The following ELAPOR1 variants were observed in gnomAD, a reference collection of about 807,000 sequenced individuals.
ELAPOR1 encodes endosome-lysosome associated apoptosis and autophagy regulator 1, also known as endosome/lysosome-associated apoptosis and autophagy regulator 1.
Under a neutral mutation model 119.7 loss-of-function variants are expected in ELAPOR1, and 77 were observed. That is an observed-to-expected ratio of 0.64 (90% confidence interval 0.54 to 0.78). The LOEUF is 0.78. Ranked by LOEUF, ELAPOR1 falls within the 30% of genes least tolerant of loss-of-function variation. ELAPOR1 has a pLI of 0.00. For missense variants in ELAPOR1, 1,115 were observed against 1,270.4 expected (o/e 0.88, Z 1.86); for synonymous variants, 481 against 487.2 (o/e 0.99, Z 0.17).
At position 109,197,497 on chromosome 1, in the gene ELAPOR1, C is replaced by T. The variant is rs769086777; in HGVS notation, c.2145C>T (p.Thr715=). 42 of 1,614,038 alleles carry T rather than the reference C, an allele frequency of 2.6e-5. No homozygotes were observed. The East Asian group carries it at 5.8e-4, about 22-fold the overall frequency. The part of the protein sequence containing the change: ...GNQGRKMSVC[T]DNVTDLRIPE... ...AGGGTAGGAAAATGTCTGTGTGCAC[C>T]GACAATGTCACTGACCTCCGGATTC... The change falls in exon 16 of 22, where the codon ACC becomes ACT. Residue 715 remains threonine (T), a synonymous_variant. Transcript: ENST00000369939.
At chr1:109,171,560 AAAG>A (rs1009915820) in intron 3 of ELAPOR1, among the ~76,000 whole-genome samples, 1 of 152,128 alleles carries the variant, frequency 6.6e-6, no homozygotes, top group East Asian at 1.9e-4. Context: ...TCAAAAAAAA[AAAG>A]ATGTTAGCCC....
intron 13 of ELAPOR1, among the ~76,000 whole-genome samples, chr1:109,192,314 A>AT (rs1312029922): frequency 5.3e-5 from 8 of 152,086 alleles, no homozygotes; most frequent in Non-Finnish European, 1.2e-4. Context: ...GCACAAGTAC[A>AT]TTTTTTTCTC....
At chr1:109,120,119 T>A (rs879410090) in intron 1 of ELAPOR1, among the ~76,000 whole-genome samples, 1 of 152,104 alleles carries the variant, frequency 6.6e-6, no homozygotes, top group Non-Finnish European at 1.5e-5. Flanking sequence ...CCTGAGGGGC[T>A]GGGCACCATG....
At chr1:109,169,577 C>A (rs1172365136) in intron 3 of ELAPOR1, among the ~76,000 whole-genome samples, 1 of 152,178 alleles carries the variant, frequency 6.6e-6, no homozygotes, top group African/African-American at 2.4e-5. Context: ...AACTGGAAAC[C>A]TGGGCTGGTC....
At chr1:109,126,897 G>C (rs1302323128) in intron 1 of ELAPOR1, among the ~76,000 whole-genome samples, 1 of 152,188 alleles carries the variant, frequency 6.6e-6, no homozygotes, top group Non-Finnish European at 1.5e-5. Flanking sequence ...GAGACATGGA[G>C]GGCCAGGCTC....
At position 109,194,549 on chromosome 1, in the gene ELAPOR1, G is replaced by T. The variant is rs553140455; in HGVS notation, c.2076G>T (p.Gly692=). 1.9e-6 allele frequency: 3 copies of T among 1,613,938 alleles called. No individual in the cohort carries two copies. Among genetic ancestry groups the T allele is most frequent in the Admixed American group, 3.3e-5 (2 of 60,020 alleles). ...GAGGGCCAAGCTTCACTTCCAAAGG[G>T]CTGAAATACTTCCATCACTTTACCC... The part of the protein sequence containing the change: ...LAGGPSFTSK[G]LKYFHHFTLS... Residue 692 remains glycine, a synonymous_variant, in exon 15 of 22, where the codon GGG becomes GGT. Coordinates refer to ENST00000369939, the MANE Select transcript of ELAPOR1 (RefSeq NM_020775.5).
chr1:109,200,250 G>T lies in ELAPOR1; in HGVS notation c.2807+13G>T. 6.2e-7 allele frequency: 1 copy of T among 1,611,102 alleles called. No individual in the cohort carries two copies. The highest frequency in any genetic ancestry group is 2.2e-5 in the East Asian group (1 of 44,772). On this transcript the variant is annotated intron_variant, in intron 20 of 21. Transcript: ENST00000369939. ...AAAAGAATCAAAAGTACATGTTGCGGTATTGGAGTGTGGGGATGGACAGGG... is the reference window on the plus strand; with the variant it reads ...AAAAGAATCAAAAGTACATGTTGCGTTATTGGAGTGTGGGGATGGACAGGG...
intron 7 of ELAPOR1, among the ~76,000 whole-genome samples, chr1:109,177,744 T>C (rs1346850809): frequency 6.6e-6 from 1 of 152,130 alleles, no homozygotes; most frequent in African/African-American, 2.4e-5. Flanking sequence ...TTCCCCACTC[T>C]GCTTCTATCA....
At chr1:109,159,100 G>A (rs182691153) in intron 1 of ELAPOR1, among the ~76,000 whole-genome samples, 1 of 152,112 alleles carries the variant, frequency 6.6e-6, no homozygotes, top group African/African-American at 2.4e-5. Context: ...CACCATGTTG[G>A]TCAGGCTGGT....
intron 7 of ELAPOR1, 149 bp downstream of exon 7, chr1:109,173,986 C>A: frequency 1.2e-6 from 1 of 818,742 alleles, no homozygotes; most frequent in Non-Finnish European, 1.9e-6. Context: ...ATACCCTTGC[C>A]AATCCATATA....
At chr1:109,121,144 A>G (rs945636665) in intron 1 of ELAPOR1, among the ~76,000 whole-genome samples, 1 of 151,648 alleles carries the variant, frequency 6.6e-6, no homozygotes. Flanking sequence ...TATTTCTTGA[A>G]TTTTTTTTCA....
intron 7 of ELAPOR1, among the ~76,000 whole-genome samples, chr1:109,181,628 G>A (rs551431759): frequency 1.3e-5 from 2 of 152,256 alleles, no homozygotes; most frequent in South Asian, 2.1e-4. Flanking sequence ...CACATAACTT[G>A]TACTTTGCTA....
At chr1:109,201,567 C>T (rs41279694) in intron 21 of ELAPOR1, 48 of 332,108 alleles carry the variant, frequency 1.4e-4, no homozygotes, top group Non-Finnish European at 2.5e-4. Context: ...TGAACCAGTT[C>T]ATCCCAATAG....
intron 1 of ELAPOR1, among the ~76,000 whole-genome samples, chr1:109,121,773 CTT>C (rs10714498): frequency 4.0e-3 from 537 of 134,196 alleles, no homozygotes; most frequent in African/African-American, 0.011. Flanking sequence ...CTGTGTATTA[CTT>C]TTTTTTTTTT....
rs1026780640 is a variant in ELAPOR1 at position 109,204,216 on chromosome 1, C to T, written c.*1204C>T. The T allele has an allele frequency of 6.6e-6, 1 of 152,252 alleles. No individual in the cohort carries two copies. The highest frequency in any genetic ancestry group is 1.5e-5 in the Non-Finnish European group (1 of 68,058). The allele number at this position is 152,252 out of a possible 1,614,324, so 9.4% of individuals were successfully genotyped here. ...GGGATTACAGGCATAAGCCACTGCA[C>T]TCAGCCTTTTATTTGTTTTTTAAAC... On this transcript the variant is annotated 3_prime_UTR_variant, in exon 22 of 22. Transcript: ENST00000369939.
rs538108099 is a variant in ELAPOR1 at position 109,120,224 on chromosome 1, C to T, written c.153+5888C>T. ...ACCAGCCTGGCCAACATGTTGAAAC[C>T]CTGTCTCTACAAAAAATGCAAAACC... On this transcript the variant is annotated intron_variant, in intron 1 of 21. Coordinates refer to ENST00000369939, the MANE Select transcript of ELAPOR1 (RefSeq NM_020775.5). Among the ~76,000 whole-genome samples the T allele has an allele frequency of 3.9e-5, 6 of 152,044 alleles. No individual in the cohort carries two copies. In the East Asian group the frequency reaches 1.2e-3, roughly 29 times the overall value.
chr1:109,197,513 C>T lies in ELAPOR1; in HGVS notation c.2161C>T (p.Leu721Phe). ...MSVCTDNVTDLRIPEGESGFS... is the reference protein window; with the variant it reads ...MSVCTDNVTDFRIPEGESGFS... ...TGTGTGCACCGACAATGTCACTGACCTCCGGATTCCTGAGGGTGAGTCAGG... is the reference window on the plus strand; with the variant it reads ...TGTGTGCACCGACAATGTCACTGACTTCCGGATTCCTGAGGGTGAGTCAGG... Residue 721 changes from leucine (L) to phenylalanine (F), a missense_variant, in exon 16 of 22, where the codon CTC becomes TTC. By Grantham distance (22) the Leu-to-Phe change is conservative. Coordinates refer to ENST00000369939, the MANE Select transcript of ELAPOR1 (RefSeq NM_020775.5). 1.2e-6 allele frequency: 2 copies of T among 1,614,140 alleles called. No individual in the cohort carries two copies. The highest frequency in any genetic ancestry group is 1.3e-5 in the African/African-American group (1 of 75,036).
intron 1 of ELAPOR1, among the ~76,000 whole-genome samples, chr1:109,143,653 T>C (rs1570633431): frequency 1.3e-5 from 2 of 152,066 alleles, no homozygotes; most frequent in South Asian, 4.1e-4. Flanking sequence ...GTAAAATGAG[T>C]TTCAGCTGCC....
intron 1 of ELAPOR1, among the ~76,000 whole-genome samples, chr1:109,143,834 T>G (rs1306630524): frequency 1.3e-5 from 2 of 151,624 alleles, no homozygotes; most frequent in African/African-American, 4.9e-5. Flanking sequence ...CATGCCCAGC[T>G]AATTTTTGTA....
Sources: allele counts gnomAD v4.1 joint callset (sites outside exome capture counted in the v4.1 genomes callset), GRCh38; gene constraint gnomAD v4.1.1; transcripts MANE v1.5; gene names NCBI Gene and HGNC (gene_info 2026-07-23, HGNC 2026-07-21).